Variants in ERMARD observed in about 807,000 individuals in gnomAD.
The protein encoded by ERMARD is endoplasmic reticulum membrane-associated RNA degradation protein.
Under a neutral mutation model 83.9 loss-of-function variants are expected in ERMARD, and 71 were observed. That is an observed-to-expected ratio of 0.85 (90% CI 0.70 to 1.03). The LOEUF (loss-of-function observed/expected upper bound fraction) is 1.03, where lower values mean the gene tolerates loss of function less well. ERMARD is among the 50% of genes least tolerant of loss of function. ERMARD has a pLI of 0.00. For missense variants in ERMARD, 838 were observed against 810.9 expected (o/e 1.03, Z -0.41); for synonymous variants, 284 against 298.6 (o/e 0.95, Z 0.50).
Position 169,770,311 on chromosome 6 carries a change from A to T in ERMARD, c.1233+598A>T, listed in dbSNP as rs559441943. On this transcript the variant is annotated intron_variant, in intron 12 of 17. Transcript: ENST00000366773. ...TTGCTACCACATTTTTGCTATGAGT[A>T]TACTAAAGTGAGTTCATAGGAAGGT... The T allele has an allele frequency of 7.9e-5, 12 of 152,340 alleles. No homozygotes were observed. The East Asian group carries it at 2.1e-3, about 27-fold the overall frequency. The allele number at this position is 152,340 out of a possible 1,614,324, so 9.4% of individuals were successfully genotyped here. A position where few individuals can be genotyped will look rare whatever the true frequency, so the allele number is the denominator to read the frequency against.
chr6:169,767,887 G>C (rs1792419917), intron 10 of ERMARD: 4 of 575,418 alleles, frequency 7.0e-6, no homozygotes, highest in Non-Finnish European at 1.2e-5. Context: ...AAACACACAT[G>C]TGTATACAAT....
intron 1 of ERMARD, chr6:169,753,246 T>C (rs757316175): frequency 5.2e-5 from 8 of 154,392 alleles, no homozygotes; most frequent in Non-Finnish European, 7.3e-5. Context: ...AGGGGGAGGA[T>C]AGAGAGAGCT....
chr6:169,751,313 G>C, upstream of ERMARD: 5 of 1,605,194 alleles, frequency 3.1e-6, no homozygotes, highest in Non-Finnish European at 4.3e-6. Flanking sequence ...TAGCCGTCTC[G>C]GGCCCCTAGC....
intron 6 of ERMARD, 110 bp from the exon 7 acceptor site, chr6:169,759,728 A>G (rs948280129): frequency 2.0e-5 from 22 of 1,078,924 alleles, no homozygotes; most frequent in Admixed American, 6.1e-5. Context: ...GGACAGTTTC[A>G]TGCAATTTAA....
At chr6:169,773,800 G>A (rs2128362321) in intron 13 of ERMARD, among the ~76,000 whole-genome samples, 1 of 152,274 alleles carries the variant, frequency 6.6e-6, no homozygotes, top group South Asian at 2.1e-4. Flanking sequence ...AACTTACTGA[G>A]ACAAACAATT....
chr6:169,768,001 A>G (rs1011296090), intron 10 of ERMARD, 102 bp from the exon 11 acceptor site: 32 of 901,884 alleles, frequency 3.5e-5, no homozygotes, highest in Admixed American at 2.8e-4. Context: ...TAGACCTTAG[A>G]TAACAAGTTA....
chr6:169,772,718 C>G (rs558333231), intron 12 of ERMARD, among the ~76,000 whole-genome samples: 45 of 146,412 alleles, frequency 3.1e-4, no homozygotes, highest in Non-Finnish European at 3.1e-4. Flanking sequence ...TGCAGTGAGC[C>G]GAGATCGCGC....
chr6:169,759,993 AT>A lies in ERMARD; in HGVS notation c.742+24del. ...TTTCCTGGTAAGTACTATGTTTCAC[AT>A]TTTTCCTTATAGCTTTGCGTAGATA... On this transcript the variant is annotated intron_variant, in intron 7 of 17. Coordinates refer to ENST00000366773, the MANE Select transcript of ERMARD (RefSeq NM_018341.3). The A allele has an allele frequency of 6.2e-7, 1 of 1,613,848 alleles. No individual in the cohort carries two copies. Among genetic ancestry groups the A allele is most frequent in the East Asian group, 2.2e-5 (1 of 44,852 alleles).
Position 169,776,639 on chromosome 6 carries a change from C to T in ERMARD, c.1705C>T (p.Arg569Cys), listed in dbSNP as rs141740739. 219 of 1,613,978 alleles carry T rather than the reference C, an allele frequency of 1.4e-4. No individual in the cohort carries two copies. Among genetic ancestry groups the T allele is most frequent in the African/African-American group, 6.0e-4 (45 of 74,934 alleles). The stretch of plus-strand genomic sequence containing the variant: ...GTGGGTGGAAAGGACGCTGCGGTCT[C>T]GCCAGCGGCAGAACTACCTGCGTAT... ...RQWVERTLRS[R>C]QRQNYLRMWS... The change falls in exon 16 of 18, where the codon CGC becomes TGC. Residue 569 changes from arginine (R) to cysteine (C), a missense_variant. By Grantham distance (180) the Arg-to-Cys change is radical. Transcript: ENST00000366773.
intron 9 of ERMARD, 118 bp downstream of exon 9, chr6:169,762,649 C>A: frequency 1.3e-6 from 1 of 793,934 alleles, no homozygotes; most frequent in Non-Finnish European, 2.0e-6. Flanking sequence ...TTTAATTTAG[C>A]TAAGAACTGT....
intron 11 of ERMARD, 67 bp from the exon 12 acceptor site, chr6:169,769,472 AG>A: frequency 7.0e-7 from 1 of 1,430,566 alleles, no homozygotes; most frequent in South Asian, 1.4e-5. Flanking sequence ...CCTTCTATTC[AG>A]CAACACCAGG....
chr6:169,766,638 T>A lies in ERMARD; in HGVS notation c.961T>A (p.Ser321Thr). The A allele has an allele frequency of 6.3e-7, 1 of 1,579,422 alleles. No homozygotes were observed. The highest frequency in any genetic ancestry group is 1.2e-5 in the South Asian group (1 of 84,076). ...RCPKRLLTAE[S>T]TALYTTFDQI... ...TTTTCATTTCTTTCCTTTTCTGAAG[T>A]CAACAGCTCTTTATACCACCTTTGA... Residue 321 changes from serine (S) to threonine (T), a missense_variant and splice_region_variant, in exon 10 of 18, where the codon TCA becomes ACA. Physicochemically the swap from Ser to Thr is moderately conservative, Grantham distance 58. Coordinates refer to ENST00000366773, the MANE Select transcript of ERMARD (RefSeq NM_018341.3).
At chr6:169,778,414 A>G (rs1278684447) in intron 16 of ERMARD, among the ~76,000 whole-genome samples, 1 of 152,224 alleles carries the variant, frequency 6.6e-6, no homozygotes, top group African/African-American at 2.4e-5. Flanking sequence ...AGCAGATTAT[A>G]TTTGGATTTA....
In ERMARD at chr6:169,781,107, G is replaced by T. The variant is rs3818756; in HGVS notation, c.1854-223G>T. 7.9e-5 allele frequency among the ~76,000 whole-genome samples: 12 copies of T among 152,306 alleles called. No homozygotes were observed. In the East Asian group the frequency reaches 2.3e-3, roughly 29 times the overall value. On this transcript the variant is annotated intron_variant, in intron 17 of 17. Coordinates refer to ENST00000366773, the MANE Select transcript of ERMARD (RefSeq NM_018341.3). ...TGCTTGAAAAGGTGCTTGCGTTGGA[G>T]CCTGTCCAAGTGTCCAGTAGCATTT...
intron 11 of ERMARD, 130 bp from the exon 12 acceptor site, chr6:169,769,410 C>T (rs1020253651): frequency 8.7e-6 from 7 of 808,456 alleles, no homozygotes; most frequent in African/African-American, 5.3e-5. Flanking sequence ...GAAGAGCTCT[C>T]CCCAGCAGAG....
chr6:169,755,532 G>C, intron 3 of ERMARD, 110 bp downstream of exon 3: 1 of 1,400,552 alleles, frequency 7.1e-7, no homozygotes, highest in Non-Finnish European at 9.7e-7. Flanking sequence ...GCCCTCCAGC[G>C]GTGAAGTGTT....
At chr6:169,776,962 T>A (rs758956836) in intron 16 of ERMARD, among the ~76,000 whole-genome samples, 5 of 152,176 alleles carry the variant, frequency 3.3e-5, no homozygotes, top group Non-Finnish European at 5.9e-5. Flanking sequence ...CTTTTACACA[T>A]TTTAGGGAGA....
chr6:169,761,757 A>C (rs1160335617), intron 8 of ERMARD, among the ~76,000 whole-genome samples: 1 of 152,114 alleles, frequency 6.6e-6, no homozygotes, highest in Non-Finnish European at 1.5e-5. Flanking sequence ...ATCTCAGCTC[A>C]CTGTATCCTC....
chr6:169,772,468 A>C (rs1457133152), intron 12 of ERMARD, among the ~76,000 whole-genome samples: 3 of 152,130 alleles, frequency 2.0e-5, no homozygotes, highest in African/African-American at 7.2e-5. Flanking sequence ...TGTGCTTTTA[A>C]GAATTGTAGG....
Sources: gnomAD v4.1 joint callset for allele counts (sites outside exome capture counted in the v4.1 genomes callset) on GRCh38, gnomAD v4.1.1 for gene constraint, MANE v1.5 for transcripts, NCBI Gene and HGNC (gene_info 2026-07-23, HGNC 2026-07-21) for gene names.